The following IL17RC variants were observed in gnomAD, a reference collection of about 807,000 sequenced individuals.
IL17RC encodes interleukin 17 receptor C.
In IL17RC, 53 loss-of-function variants were observed where a neutral mutation model predicts 86.7. That is an observed-to-expected ratio of 0.61 (90% CI 0.49 to 0.77). The LOEUF (loss-of-function observed/expected upper bound fraction) is 0.77, where lower values mean the gene tolerates loss of function less well. Among genes scored for constraint, IL17RC ranks in the 30% least tolerant of loss-of-function variants. IL17RC has a pLI of 0.00. For missense variants in IL17RC, 957 were observed against 940.0 expected, an observed-to-expected ratio of 1.02 and a Z score of -0.24; for synonymous variants, 439 against 413.1, an observed-to-expected ratio of 1.06 and a Z score of -0.76.
chr3:9,928,223 G>A lies in IL17RC; in HGVS notation c.877+3G>A, dbSNP rs778675410. 2.5e-6 allele frequency: 4 copies of A among 1,605,788 alleles called. No homozygotes were observed. Among genetic ancestry groups the A allele is most frequent in the Admixed American group, 1.7e-5 (1 of 58,874 alleles). On this transcript the variant is annotated splice_donor_region_variant and intron_variant, in intron 10 of 18. Coordinates refer to ENST00000403601, the MANE Select transcript of IL17RC (RefSeq NM_153460.4). The stretch of plus-strand genomic sequence containing the variant: ...GAACATCTGCCCCTTCAGGGAGGGT[G>A]AGCCGACCGGCCTGGGGCTGGGGTT...
intron 5 of IL17RC, among the ~76,000 whole-genome samples, chr3:9,919,756 A>G (rs1205754303): frequency 6.6e-6 from 1 of 152,174 alleles, no homozygotes; most frequent in African/African-American, 2.4e-5. Flanking sequence ...AATAAATTTA[A>G]TTCTTTTGTA....
In IL17RC at chr3:9,918,053, G is replaced by A. The variant is rs746716433; in HGVS notation, c.258G>A (p.Val86=). The change falls in exon 3 of 19, where the codon GTG becomes GTA. Residue 86 remains valine (V), a synonymous_variant. Coordinates refer to ENST00000403601, the MANE Select transcript of IL17RC (RefSeq NM_153460.4). The stretch of plus-strand genomic sequence containing the variant: ...CCGACTGTGACCTCTGTCTGCGTGT[G>A]GCTGTCCACTTGGCCGTGCATGGTG... ...KETDCDLCLR[V]AVHLAVHGHW... The A allele has an allele frequency of 8.8e-6, 14 of 1,590,606 alleles. No homozygotes were observed. The highest frequency in any genetic ancestry group is 1.2e-5 in the Non-Finnish European group (14 of 1,168,618).
intron 9 of IL17RC, 145 bp downstream of exon 9, chr3:9,924,436 C>A (rs909982316): frequency 9.6e-6 from 7 of 726,682 alleles, no homozygotes; most frequent in Admixed American, 4.5e-5. Flanking sequence ...CCTCCCTTGA[C>A]CCTTGCTGTC....
In IL17RC at chr3:9,917,261, C is replaced by CT. The variant is rs1367645331; in HGVS notation, c.-53dup. ...CGGGCTGACTGGGGTGTCTGCCCCC[C>CT]TTGGGGGGGGGCAGCACAGGGCCTC... On this transcript the variant is annotated 5_prime_UTR_variant, in exon 1 of 19. Coordinates refer to ENST00000403601, the MANE Select transcript of IL17RC (RefSeq NM_153460.4). 4.3e-6 allele frequency: 6 copies of CT among 1,382,372 alleles called. No homozygotes were observed. Among genetic ancestry groups the CT allele is most frequent in the East Asian group, 2.3e-5 (1 of 43,034 alleles). 85.6% of individuals were successfully genotyped at this position (1,382,372 alleles called of 1,614,324 possible).
intron 9 of IL17RC, among the ~76,000 whole-genome samples, chr3:9,925,140 G>C (rs1296693410): frequency 2.2e-5 from 3 of 134,904 alleles, no homozygotes; most frequent in Non-Finnish European, 4.7e-5. Flanking sequence ...TTTTAAGACA[G>C]AGTCTTTCTC....
intron 6 of IL17RC, 148 bp downstream of exon 6, chr3:9,920,750 C>T (rs2083471543): frequency 2.6e-6 from 2 of 772,004 alleles, no homozygotes; most frequent in East Asian, 2.7e-5. Context: ...GACCTTCTCT[C>T]TCTGGGTGAT....
At position 9,923,958 on chromosome 3, in the gene IL17RC, G is replaced by A. The variant is rs145374241; in HGVS notation, c.700G>A (p.Gly234Ser). 322 of 1,613,972 alleles carry A rather than the reference G, an allele frequency of 2.0e-4. No homozygotes were observed. Among genetic ancestry groups the A allele is most frequent in the East Asian group, 1.3e-3 (60 of 44,886 alleles). Residue 234 changes from glycine (G) to serine (S), a missense_variant, in exon 8 of 19, where the codon GGC (glycine) becomes AGC (serine). Gly to Ser is a moderately conservative substitution (Grantham distance 56). Coordinates refer to ENST00000403601, the MANE Select transcript of IL17RC (RefSeq NM_153460.4). The part of the protein sequence containing the change: ...VLNVSEEQHF[G>S]LSLYWNQVQG... ...GAATGTCTCTGAGGAGCAGCACTTC[G>A]GCCTCTCCCTGTACTGGAATCAGGT...
In IL17RC at chr3:9,930,013, T is replaced by C. The variant is rs749264329; in HGVS notation, c.1157-15T>C. 4 of 1,613,850 alleles carry C rather than the reference T, an allele frequency of 2.5e-6. No homozygotes were observed. Among genetic ancestry groups the C allele is most frequent in the Non-Finnish European group, 3.4e-6 (4 of 1,179,854 alleles). On this transcript the variant is annotated splice_polypyrimidine_tract_variant and intron_variant, in intron 13 of 18. Transcript: ENST00000403601. This position sits in a 1 kb window ranked among gnomAD's most constrained non-coding sequence, Gnocchi z 5.8. ...AGGATGGGTCTTGGTCAGAGTGGCC[T>C]CTCACCCCTTCCAGACTCCCTGGGG...
chr3:9,931,470 C>CACACACACACACACACACACATATATAT (rs750351615), intron 16 of IL17RC, among the ~76,000 whole-genome samples: 8 of 43,726 alleles, frequency 1.8e-4, no homozygotes, highest in Non-Finnish European at 3.2e-4. Context: ...CACACACACA[C>CACACACACACACACACACACATATATAT]ATATATATAT....
Position 9,933,175 on chromosome 3 carries a change from C to T in IL17RC, c.1745C>T (p.Ser582Phe). The T allele has an allele frequency of 6.2e-7, 1 of 1,607,542 alleles. No individual in the cohort carries two copies. Among genetic ancestry groups the T allele is most frequent in the Non-Finnish European group, 8.5e-7 (1 of 1,177,982 alleles). The change falls in exon 19 of 19, where the codon TCT becomes TTT. Residue 582 changes from serine (S) to phenylalanine (F), a missense_variant. Ser to Phe is a radical substitution (Grantham distance 155). Transcript: ENST00000403601. ...GGCGGCGTGGTGGTCTTGCTCTTCTCTCCCGGTGCGGTGGCGCTGTGCAGC... is the reference window on the plus strand; with the variant it reads ...GGCGGCGTGGTGGTCTTGCTCTTCTTTCCCGGTGCGGTGGCGCTGTGCAGC... ...QEGGVVVLLFSPGAVALCSEW... is the reference protein window; with the variant it reads ...QEGGVVVLLFFPGAVALCSEW...
At position 9,933,052 on chromosome 3, in the gene IL17RC, C is replaced by G; in HGVS notation, c.1622C>G (p.Pro541Arg). ...CTGGCGTCGGCCCTGTGCCAGCTGC[C>G]GCTGCGCGTGGCCGTAGACCTGTGG... The part of the protein sequence containing the change: ...GALASALCQL[P>R]LRVAVDLWSR... The change falls in exon 19 of 19, where the codon CCG (proline) becomes CGG (arginine). Residue 541 changes from proline (P) to arginine (R), a missense_variant. Pro to Arg is a moderately radical substitution (Grantham distance 103). Coordinates refer to ENST00000403601, the MANE Select transcript of IL17RC (RefSeq NM_153460.4). The G allele has an allele frequency of 6.5e-7, 1 of 1,547,266 alleles. No individual in the cohort carries two copies. Among genetic ancestry groups the G allele is most frequent in the Non-Finnish European group, 8.6e-7 (1 of 1,156,612 alleles).
rs765629793 is a variant in IL17RC at position 9,932,846 on chromosome 3, G to A, written c.1510G>A (p.Val504Ile). 2 of 1,564,850 alleles carry A rather than the reference G, an allele frequency of 1.3e-6. No individual in the cohort carries two copies. The highest frequency in any genetic ancestry group is 2.2e-5 in the East Asian group (1 of 44,618). Residue 504 changes from valine (V) to isoleucine (I), a missense_variant, in exon 18 of 19, where the codon GTC becomes ATC. Transcript: ENST00000403601. Reference protein sequence around the residue: ...KGWLRLLKQDVRSGAAARGRA... With the variant: ...KGWLRLLKQDIRSGAAARGRA... ...GTGGCTGAGGCTCTTGAAACAGGAC[G>A]TCCGCTCGGGGGGTGAGTGGGAGCA...
chr3:9,922,802 A>G (rs1440662465), intron 7 of IL17RC, among the ~76,000 whole-genome samples: 1 of 152,198 alleles, frequency 6.6e-6, no homozygotes, highest in African/African-American at 2.4e-5. Context: ...GAGGTGAGGG[A>G]GGAGCCATAT....
intron 2 of IL17RC, 31 bp downstream of exon 2, chr3:9,917,765 C>A (rs1340638880): frequency 1.2e-6 from 2 of 1,613,510 alleles, no homozygotes; most frequent in Admixed American, 3.3e-5. Context: ...AAAGAATTTC[C>A]CAGGTTGGCC....
At chr3:9,926,858 G>A (rs2084129264) in intron 9 of IL17RC, among the ~76,000 whole-genome samples, 1 of 152,098 alleles carries the variant, frequency 6.6e-6, no homozygotes, top group Non-Finnish European at 1.5e-5. Flanking sequence ...TTGACCTCGT[G>A]ATCCGCCCAC....
Position 9,933,431 on chromosome 3 carries a change from G to C in IL17RC, c.2001G>C (p.Gln667His). ...TGCCAGACTTCCTGGGGGCCCTGCA[G>C]CAGCCTCGCGCCCCGCGTTCCGGGC... is the stretch of plus-strand genomic sequence containing the variant. The part of the protein sequence containing the change: ...SQLPDFLGAL[Q>H]QPRAPRSGRL... The change falls in exon 19 of 19, where the codon CAG (glutamine) becomes CAC (histidine). Residue 667 changes from glutamine (Q) to histidine (H), a missense_variant. Physicochemically the swap from Gln to His is conservative, Grantham distance 24 (BLOSUM62 0). Transcript: ENST00000403601. The C allele has an allele frequency of 1.2e-6, 2 of 1,613,188 alleles. No individual in the cohort carries two copies. The highest frequency in any genetic ancestry group is 1.7e-6 in the Non-Finnish European group (2 of 1,179,814).
chr3:9,928,698 T>G (rs2084350854), intron 12 of IL17RC, 68 bp downstream of exon 12: 4 of 1,530,530 alleles, frequency 2.6e-6, no homozygotes, highest in South Asian at 1.1e-5. Context: ...CAAGGGGGTC[T>G]TAGTTCTTGG....
At position 9,923,927 on chromosome 3, in the gene IL17RC, G is replaced by T. The variant is rs1435774168; in HGVS notation, c.669G>T (p.Leu223=). ...NVSADGDNVH[L]VLNVSEEQHF... ...CAGCAGATGGTGACAACGTGCATCT[G>T]GTTCTGAATGTCTCTGAGGAGCAGC... The change falls in exon 8 of 19, where the codon CTG becomes CTT. Residue 223 remains leucine (L), a synonymous_variant. Coordinates refer to ENST00000403601, the MANE Select transcript of IL17RC (RefSeq NM_153460.4). 4.3e-6 allele frequency: 7 copies of T among 1,614,066 alleles called. No individual in the cohort carries two copies.
chr3:9,923,130 T>C (rs545869118), intron 7 of IL17RC, among the ~76,000 whole-genome samples: 58 of 130,198 alleles, frequency 4.5e-4, no homozygotes, highest in African/African-American at 1.7e-3. Context: ...TGAGCCGAGA[T>C]CACACCACTG....
Sources: allele counts gnomAD v4.1 joint callset (sites outside exome capture counted in the v4.1 genomes callset), GRCh38; gene constraint gnomAD v4.1.1; non-coding constraint Gnocchi (gnomAD v3.1); transcripts MANE v1.5; gene names NCBI Gene and HGNC (gene_info 2026-07-23, HGNC 2026-07-21).